Variants in RAB40C observed in about 807,000 individuals in gnomAD.
The protein encoded by RAB40C is ras-related protein Rab-40C.
Under a neutral mutation model 28.1 loss-of-function variants are expected in RAB40C, and 8 were observed. That is an observed-to-expected ratio of 0.28 (90% CI 0.17 to 0.51). RAB40C has a LOEUF of 0.51. RAB40C is among the 20% of genes least tolerant of loss of function. The pLI is 0.97. For missense variants in RAB40C, 288 were observed against 405.9 expected (o/e 0.71, Z 2.50); for synonymous variants, 201 against 171.7 (o/e 1.17, Z -1.34).
rs973373528 is a variant in RAB40C at position 610,267 on chromosome 16, A to G, written c.143-6941A>G. ...GTCCTGTGGAGCGGCTCTGACCAGG[A>G]CAGTGCCGTGTGTCTCATGGGGTTG... On this transcript the variant is annotated intron_variant, in intron 1 of 5. Coordinates refer to ENST00000248139, the MANE Select transcript of RAB40C (RefSeq NM_021168.5). The surrounding 1 kb of genome is among the most constrained non-coding windows in gnomAD (Gnocchi z 4.6). Among the ~76,000 whole-genome samples, 6 of 152,098 alleles carry G rather than the reference A, an allele frequency of 3.9e-5. No individual in the cohort carries two copies. The highest frequency in any genetic ancestry group is 1.4e-4 in the African/African-American group (6 of 41,416).
chr16:626,311 TGG>T (rs1424566046), intron 5 of RAB40C, among the ~76,000 whole-genome samples, 190 bp downstream of exon 5: 1 of 152,108 alleles, frequency 6.6e-6, no homozygotes, highest in Admixed American at 6.5e-5. Flanking sequence ...GCGGCAGCAC[TGG>T]GGGGCACAGG....
At chr16:609,436 A>T (rs900069849) in intron 1 of RAB40C, among the ~76,000 whole-genome samples, 3 of 152,268 alleles carry the variant, frequency 2.0e-5, no homozygotes, top group African/African-American at 7.2e-5. Context: ...CCGTGGCAGG[A>T]TGATGGCAGG....
Position 626,012 on chromosome 16 carries a change from C to T in RAB40C, c.456C>T (p.Phe152=). The T allele has an allele frequency of 6.2e-7, 1 of 1,613,370 alleles. No individual in the cohort carries two copies. Among genetic ancestry groups the T allele is most frequent in the Non-Finnish European group, 8.5e-7 (1 of 1,179,960 alleles). ...RAYAEKNCMT[F]FEVSPLCNFN... ...ACGCAGAGAAGAACTGCATGACCTTCTTTGAGGTCAGCCCCCTGTGCAACT... is the reference window on the plus strand; with the variant it reads ...ACGCAGAGAAGAACTGCATGACCTTTTTTGAGGTCAGCCCCCTGTGCAACT... The change falls in exon 5 of 6, where the codon TTC becomes TTT. Residue 152 remains phenylalanine, a synonymous_variant. Coordinates refer to ENST00000248139, the MANE Select transcript of RAB40C (RefSeq NM_021168.5).
At chr16:603,430 G>A (rs2151065713) in intron 1 of RAB40C, among the ~76,000 whole-genome samples, 1 of 150,212 alleles carries the variant, frequency 6.7e-6, no homozygotes, top group Non-Finnish European at 1.5e-5. Context: ...CCGGAAGATT[G>A]AATGCGGAGC....
intron 3 of RAB40C, among the ~76,000 whole-genome samples, chr16:620,744 G>A (rs1406052763): frequency 3.7e-5 from 3 of 81,032 alleles, no homozygotes; most frequent in African/African-American, 1.1e-4. Flanking sequence ...GGGCTCCACC[G>A]CGGGCATCCC....
intron 1 of RAB40C, among the ~76,000 whole-genome samples, chr16:600,306 T>C (rs903515931): frequency 2.0e-5 from 3 of 152,262 alleles, no homozygotes; most frequent in African/African-American, 7.2e-5. Context: ...ATAGCTAGTA[T>C]GTCAGCTTCT....
At chr16:591,907 T>A (rs1000092192) in intron 1 of RAB40C, among the ~76,000 whole-genome samples, 2 of 152,240 alleles carry the variant, frequency 1.3e-5, no homozygotes, top group Non-Finnish European at 2.9e-5. Context: ...AACGTTTGTT[T>A]TTAACTTCCA....
chr16:615,632 C>G (rs1441690891), intron 1 of RAB40C, among the ~76,000 whole-genome samples: 1 of 152,156 alleles, frequency 6.6e-6, no homozygotes, highest in Non-Finnish European at 1.5e-5. Context: ...CTTGGACTGA[C>G]CTTTTCCTAT....
chr16:601,563 C>T (rs996780302), intron 1 of RAB40C, among the ~76,000 whole-genome samples: 7 of 152,118 alleles, frequency 4.6e-5, no homozygotes, highest in Admixed American at 3.9e-4. Flanking sequence ...CCCCTAGTCT[C>T]AGTCAGTTCA....
chr16:598,583 A>G (rs2036183675), intron 1 of RAB40C, among the ~76,000 whole-genome samples: 1 of 151,224 alleles, frequency 6.6e-6, no homozygotes, highest in African/African-American at 2.4e-5. Context: ...AAAAAAAAGA[A>G]AAAAGAAAAT....
intron 3 of RAB40C, among the ~76,000 whole-genome samples, chr16:621,196 C>A (rs1021608423): frequency 6.6e-6 from 1 of 152,198 alleles, no homozygotes; most frequent in Non-Finnish European, 1.5e-5. Context: ...AGTCTCCAGG[C>A]GGGCCTCTGA....
chr16:616,875 C>T (rs1316408084), intron 1 of RAB40C: 19 of 358,138 alleles, frequency 5.3e-5, no homozygotes, highest in African/African-American at 1.2e-4. Context: ...GCACCCAGCG[C>T]GGGCCACAGG....
chr16:624,986 A>G (rs2036796705), intron 3 of RAB40C: 11 of 1,289,514 alleles, frequency 8.5e-6, no homozygotes, highest in Admixed American at 2.3e-5. Flanking sequence ...AGGGACTGGC[A>G]TTCTGCTCTG....
chr16:601,393 A>T (rs987821744), intron 1 of RAB40C, among the ~76,000 whole-genome samples: 12 of 152,130 alleles, frequency 7.9e-5, no homozygotes, highest in Non-Finnish European at 1.6e-4. Flanking sequence ...CTCGGGAGCA[A>T]CAGTGTCCAC....
At chr16:592,644 G>C (rs1041148394) in intron 1 of RAB40C, among the ~76,000 whole-genome samples, 2 of 152,262 alleles carry the variant, frequency 1.3e-5, no homozygotes, top group African/African-American at 4.8e-5. Context: ...TCTAAAGCTT[G>C]GCTCCAGGGG....
chr16:625,680 T>C (rs763014), intron 4 of RAB40C, 171 bp downstream of exon 4: 391,797 of 844,800 alleles, frequency 0.46, 94,700 homozygotes, highest in East Asian at 0.69. Flanking sequence ...CACACGACAG[T>C]CGGGCGTGGA....
chr16:600,550 A>G (rs1010615537), intron 1 of RAB40C, among the ~76,000 whole-genome samples: 1 of 152,216 alleles, frequency 6.6e-6, no homozygotes, highest in Non-Finnish European at 1.5e-5. Flanking sequence ...CAAGAGATCA[A>G]GACCGTTCTG....
At chr16:605,277 C>T (rs2036335296) in intron 1 of RAB40C, among the ~76,000 whole-genome samples, 1 of 152,204 alleles carries the variant, frequency 6.6e-6, no homozygotes, top group Non-Finnish European at 1.5e-5. Flanking sequence ...GTCCCATCAG[C>T]AATGCATGAG....
chr16:601,815 TAAAAAAA>T (rs60094426), intron 1 of RAB40C, among the ~76,000 whole-genome samples: 431 of 27,206 alleles, frequency 0.016, 3 homozygotes, highest in African/African-American at 0.05. Context: ...CAAAAAAAAG[TAAAAAAA>T]AAAAAAAAAA....
Sources: allele counts gnomAD v4.1 joint callset (sites outside exome capture counted in the v4.1 genomes callset), GRCh38; gene constraint gnomAD v4.1.1; non-coding constraint Gnocchi (gnomAD v3.1); transcripts MANE v1.5; gene names NCBI Gene and HGNC (gene_info 2026-07-23, HGNC 2026-07-21).